Variants in MACF1 observed in about 807,000 individuals in gnomAD.
MACF1 encodes microtubule actin crosslinking factor 1.
A neutral mutation model predicts 854.8 loss-of-function variants in MACF1; 193 were observed. The observed-to-expected ratio is 0.23, with a 90% CI of 0.20 to 0.25. The LOEUF (loss-of-function observed/expected upper bound fraction) is 0.25, where lower values mean the gene tolerates loss of function less well. Ranked by LOEUF, MACF1 falls within the 10% of genes least tolerant of loss-of-function variation. The pLI is 1.00. For missense variants in MACF1, 7,722 were observed against 8,929.1 expected (o/e 0.86, Z 5.45); for synonymous variants, 3,185 against 3,226.7 (o/e 0.99, Z 0.44).
At chr1:39,252,360 C>T (rs562603995) in intron 4 of MACF1, among the ~76,000 whole-genome samples, 1 of 152,234 alleles carries the variant, frequency 6.6e-6, no homozygotes, top group South Asian at 2.1e-4. Context: ...TCTCTGGCCT[C>T]TAGGTTATCA....
intron 51 of MACF1, among the ~76,000 whole-genome samples, chr1:39,370,474 T>C (rs1261304771): frequency 6.6e-6 from 1 of 152,218 alleles, no homozygotes; most frequent in African/African-American, 2.4e-5. Context: ...CTTCAGCTAG[T>C]AAAGGAAAAG....
intron 44 of MACF1, 49 bp downstream of exon 44, chr1:39,353,280 C>T (rs895386357): frequency 4.9e-6 from 7 of 1,420,732 alleles, no homozygotes; most frequent in Non-Finnish European, 1.9e-6. Flanking sequence ...CTCTCCTGCC[C>T]TGAGCAAGTA....
At chr1:39,442,936 A>G (rs754830754) in intron 78 of MACF1, 25 bp downstream of exon 78, 3 of 1,602,608 alleles carry the variant, frequency 1.9e-6, no homozygotes, top group Non-Finnish European at 2.6e-6. Flanking sequence ...CAAGTAAGGT[A>G]GGAAGAGCTA....
intron 23 of MACF1, among the ~76,000 whole-genome samples, chr1:39,308,739 T>A (rs1465050764): frequency 6.6e-6 from 1 of 151,868 alleles, no homozygotes; most frequent in African/African-American, 2.4e-5. Flanking sequence ...CACTGCAACC[T>A]CCACCTCCCG....
chr1:39,357,657 A>T lies in MACF1; in HGVS notation c.11707A>T (p.Met3903Leu). The T allele has an allele frequency of 6.2e-7, 1 of 1,614,190 alleles. No individual in the cohort carries two copies. ...ACGATCCGAGAAAGAGCTGGAGAAC[A>T]TGCATAAGGGAGGCAGCAGCCCCGA... ...LERSEKELEN[M>L]HKGGSSPETL... The change falls in exon 45 of 101, where the codon ATG (methionine) becomes TTG (leucine). Residue 3903 changes from methionine (M) to leucine (L), a missense_variant. Met to Leu is a conservative substitution (Grantham distance 15). Transcript: ENST00000564288.
intron 15 of MACF1, among the ~76,000 whole-genome samples, chr1:39,290,224 G>A (rs1371641277): frequency 6.6e-6 from 1 of 152,112 alleles, no homozygotes; most frequent in South Asian, 2.1e-4. Flanking sequence ...CAAGGGACAG[G>A]GATCAAGTTT....
In MACF1 at chr1:39,318,587, T is replaced by C. The variant is rs764767495; in HGVS notation, c.3917T>C (p.Val1306Ala). The C allele has an allele frequency of 1.9e-6, 3 of 1,612,124 alleles. No individual in the cohort carries two copies. In the South Asian group the frequency reaches 3.3e-5, roughly 18 times the overall value. ...MKPGQAEDSR[V>A]LSEQLSQQTA... ...CCAGGCCAGGCAGAGGATAGCAGAGTGCTTTCGGAGCAGCTCAGCCAGCAG... is the reference window on the plus strand; with the variant it reads ...CCAGGCCAGGCAGAGGATAGCAGAGCGCTTTCGGAGCAGCTCAGCCAGCAG... The change falls in exon 30 of 101, where the codon GTG (valine) becomes GCG (alanine). Residue 1306 changes from valine to alanine, a missense_variant. By Grantham distance (64) the Val-to-Ala change is moderately conservative. Coordinates refer to ENST00000564288, the MANE Select transcript of MACF1 (RefSeq NM_001394062.1).
intron 96 of MACF1, among the ~76,000 whole-genome samples, chr1:39,468,967 G>C (rs1005753014): frequency 4.6e-5 from 7 of 152,218 alleles, no homozygotes; most frequent in African/African-American, 1.7e-4. Flanking sequence ...GCAGTAATGA[G>C]AATTAAGAGT....
intron 2 of MACF1, among the ~76,000 whole-genome samples, chr1:39,242,700 A>G (rs895553161): frequency 6.7e-6 from 1 of 148,942 alleles, no homozygotes; most frequent in Non-Finnish European, 1.5e-5. Context: ...GCGCCACTGC[A>G]CTCTAGCCTG....
At chr1:39,116,670 A>G (rs563726877) in intron 2 of MACF1, among the ~76,000 whole-genome samples, 1 of 152,188 alleles carries the variant, frequency 6.6e-6, no homozygotes, top group Non-Finnish European at 1.5e-5. Flanking sequence ...GAAGAAGCAT[A>G]TATGTAACTT....
At chr1:39,119,127 G>A (rs1557464780) in intron 2 of MACF1, among the ~76,000 whole-genome samples, 1 of 151,876 alleles carries the variant, frequency 6.6e-6, no homozygotes, top group Non-Finnish European at 1.5e-5. Context: ...TAGACCAGCG[G>A]GACCAACATG....
intron 2 of MACF1, among the ~76,000 whole-genome samples, chr1:39,123,202 A>C (rs997395617): frequency 1.1e-4 from 11 of 96,626 alleles, no homozygotes; most frequent in African/African-American, 1.8e-4. Flanking sequence ...TATATATATA[A>C]ATTTTTTTTT....
At chr1:39,292,673 T>A in intron 16 of MACF1, 93 bp from the exon 17 acceptor site, 1 of 866,182 alleles carries the variant, frequency 1.2e-6, no homozygotes, top group East Asian at 2.7e-5. Context: ...TCCATATCTC[T>A]ATCTAGACAT....
At chr1:39,204,152 T>C (rs1018299686), upstream of MACF1, 7 of 152,264 alleles carry the variant, frequency 4.6e-5, no homozygotes, top group African/African-American at 1.7e-4. Context: ...CATCCACCTG[T>C]AATCCCAGCT....
chr1:39,315,210 CAT>C (rs983940368), intron 26 of MACF1, among the ~76,000 whole-genome samples: 43 of 152,272 alleles, frequency 2.8e-4, no homozygotes, highest in Non-Finnish European at 4.6e-4. Context: ...AACATATACA[CAT>C]ATATTTTCTC....
intron 58 of MACF1, among the ~76,000 whole-genome samples, chr1:39,421,519 G>T (rs1007233308): frequency 6.6e-6 from 1 of 152,120 alleles, no homozygotes; most frequent in Non-Finnish European, 1.5e-5. Flanking sequence ...GAAGTTAAAT[G>T]GCCACAGGAG....
chr1:39,303,045 C>T lies in MACF1; in HGVS notation c.2756C>T (p.Pro919Leu). The T allele has an allele frequency of 6.2e-7, 1 of 1,614,164 alleles. No individual in the cohort carries two copies. Among genetic ancestry groups the T allele is most frequent in the South Asian group, 1.1e-5 (1 of 91,072 alleles). Residue 919 changes from proline to leucine, a missense_variant, in exon 23 of 101, where the codon CCA becomes CTA. By Grantham distance (98) the Pro-to-Leu change is moderately conservative (BLOSUM62 -3). This residue lies in a region of MACF1 where 1,137 missense variants were observed against 1,263.0 expected (regional missense o/e 0.90). Transcript: ENST00000564288. ...MVPSVCFLIP[P>L]PNKDAIEMAS... is the part of the protein sequence containing the mutation. ...CCGTCAGTCTGCTTCCTCATCCCCC[C>T]ACCCAATAAGGATGCCATTGAGATG...
At chr1:39,086,391 C>T (rs892466375) in intron 2 of MACF1, among the ~76,000 whole-genome samples, 6 of 152,262 alleles carry the variant, frequency 3.9e-5, no homozygotes, top group African/African-American at 9.6e-5. Context: ...TAGTGGGCAA[C>T]GAGGAGTCCT....
chr1:39,335,231 G>C lies in MACF1; in HGVS notation c.8643G>C (p.Val2881=), dbSNP rs1272725298. 1 of 1,614,018 alleles carries C rather than the reference G, an allele frequency of 6.2e-7. No homozygotes were observed. The highest frequency in any genetic ancestry group is 1.3e-5 in the African/African-American group (1 of 75,034). Reference sequence around the variant, plus strand: ...TTAAAGGTAAATCCTTGGGCCAAGTGTCATTGACACACCCTTACTCTGAAT... The same window carrying C: ...TTAAAGGTAAATCCTTGGGCCAAGTCTCATTGACACACCCTTACTCTGAAT... The part of the protein sequence containing the change: ...HNLKGKSLGQ[V]SLTHPYSECD... The change falls in exon 37 of 101, where the codon GTG becomes GTC. Residue 2881 remains valine (V), a synonymous_variant. Transcript: ENST00000564288.
Sources: allele counts gnomAD v4.1 joint callset (sites outside exome capture counted in the v4.1 genomes callset), GRCh38; gene constraint gnomAD v4.1.1; regional missense constraint gnomAD v4.1.1; transcripts MANE v1.5; gene names NCBI Gene and HGNC (gene_info 2026-07-23, HGNC 2026-07-21).